The following ITPR1 variants were observed in gnomAD, a reference collection of about 807,000 sequenced individuals.
ITPR1 encodes inositol 1,4,5-trisphosphate-gated calcium channel ITPR1.
Under a neutral mutation model 318.4 loss-of-function variants are expected in ITPR1, and 96 were observed. That is an observed-to-expected ratio of 0.30 (90% CI 0.26 to 0.36). The LOEUF (loss-of-function observed/expected upper bound fraction) is 0.36. Ranked by LOEUF, ITPR1 falls within the 10% of genes least tolerant of loss-of-function variation. The probability of loss-of-function intolerance (pLI) is 1.00; values close to 1 mark genes in which losing one functional copy is unlikely to be tolerated. For synonymous variants in ITPR1, 1,312 were observed against 1,289.9 expected, an observed-to-expected ratio of 1.02 and a Z score of -0.37; for missense variants, 2,440 against 3,460.2, an observed-to-expected ratio of 0.71 and a Z score of 7.40.
intron 60 of ITPR1, 87 bp from the exon 61 acceptor site, chr3:4,836,687 G>A (rs1328298812): frequency 2.5e-6 from 3 of 1,217,692 alleles, no homozygotes; most frequent in African/African-American, 3.1e-5. Flanking sequence ...AGGAAACATG[G>A]CACGGTAAGC....
chr3:4,555,456 T>C (rs147191653), intron 4 of ITPR1, among the ~76,000 whole-genome samples: 354 of 152,346 alleles, frequency 2.3e-3, no homozygotes, highest in Non-Finnish European at 4.1e-3. Context: ...CCGTAATTAT[T>C]ATTCTGCAAT....
At chr3:4,797,804 C>A (rs6442910) in intron 53 of ITPR1, among the ~76,000 whole-genome samples, 51,638 of 151,872 alleles carry the variant, frequency 0.34, 8,971 homozygotes, top group East Asian at 0.53. Flanking sequence ...TTTTCTGAAA[C>A]ATTTTAAAGA....
rs780476712 is a variant in ITPR1 at position 4,501,809 on chromosome 3, G to T, written c.-17+7303G>T. On this transcript the variant is annotated intron_variant, in intron 2 of 61. Transcript: ENST00000649015. ...GGCAGAAAGAGACCAGAAGGCACAT[G>T]TACCCCTACTTAGAGTTGTGAAGTC... Among the ~76,000 whole-genome samples, 3 of 152,354 alleles carry T rather than the reference G, an allele frequency of 2.0e-5. No homozygotes were observed. The South Asian group carries it at 6.2e-4, about 32-fold the overall frequency.
At chr3:4,607,808 A>C (rs9880304) in intron 4 of ITPR1, among the ~76,000 whole-genome samples, 12,319 of 152,030 alleles carry the variant, frequency 0.081, 545 homozygotes, top group Middle Eastern at 0.099. Context: ...TTGCAACAAA[A>C]CTTGAAAAGA....
Position 4,710,719 on chromosome 3 carries a change from C to G in ITPR1, c.4991+246C>G, listed in dbSNP as rs1054235851. ...AGAAGTTCTTATTTTCACTGCATGC[C>G]CATTCATTCATTCATTACAGTGCAC... On this transcript the variant is annotated intron_variant, in intron 38 of 61. Transcript: ENST00000649015. This position sits in a 1 kb window ranked among gnomAD's most constrained non-coding sequence, Gnocchi z 4.2. 2.0e-5 allele frequency among the ~76,000 whole-genome samples: 3 copies of G among 151,956 alleles called. No homozygotes were observed. The highest frequency in any genetic ancestry group is 7.3e-5 in the African/African-American group (3 of 41,348).
At chr3:4,693,843 A>G in intron 33 of ITPR1, 102 bp downstream of exon 33, 5 of 1,275,388 alleles carry the variant, frequency 3.9e-6, no homozygotes, top group Non-Finnish European at 5.4e-6. Flanking sequence ...GGGAGCCCTC[A>G]TGGCTCTGAA....
intron 4 of ITPR1, among the ~76,000 whole-genome samples, chr3:4,541,275 T>C (rs2084413811): frequency 6.6e-6 from 1 of 152,242 alleles, no homozygotes; most frequent in Non-Finnish European, 1.5e-5. Flanking sequence ...AATCTGTTAG[T>C]GGTAAATTCT....
At chr3:4,805,647 G>A (rs1292479849) in intron 54 of ITPR1, among the ~76,000 whole-genome samples, 1 of 152,166 alleles carries the variant, frequency 6.6e-6, no homozygotes, top group Non-Finnish European at 1.5e-5. Flanking sequence ...GGCAAGAACT[G>A]ATCACTGCTC....
At chr3:4,519,984 G>A (rs1301183998) in intron 3 of ITPR1, among the ~76,000 whole-genome samples, 1 of 152,190 alleles carries the variant, frequency 6.6e-6, no homozygotes, top group Non-Finnish European at 1.5e-5. Flanking sequence ...CTGAAAGACA[G>A]GCAGGACTTG....
chr3:4,818,479 G>A (rs953784119), intron 60 of ITPR1, among the ~76,000 whole-genome samples: 1 of 152,148 alleles, frequency 6.6e-6, no homozygotes, highest in Admixed American at 6.5e-5. Flanking sequence ...TTGAGCCTCG[G>A]TGAGATTAGC....
At chr3:4,540,580 A>ATG (rs1327926260) in intron 4 of ITPR1, among the ~76,000 whole-genome samples, 7 of 151,432 alleles carry the variant, frequency 4.6e-5, no homozygotes, top group Non-Finnish European at 7.4e-5. Context: ...GTGTGTGTGT[A>ATG]TGTGTGTGTG....
intron 5 of ITPR1, among the ~76,000 whole-genome samples, chr3:4,633,944 C>A (rs1281712790): frequency 6.6e-6 from 1 of 152,174 alleles, no homozygotes; most frequent in Non-Finnish European, 1.5e-5. Context: ...AACAAAATAA[C>A]CTTTCCTTAC....
chr3:4,641,635 C>G (rs2093341328), intron 6 of ITPR1, among the ~76,000 whole-genome samples: 1 of 152,216 alleles, frequency 6.6e-6, no homozygotes, highest in Non-Finnish European at 1.5e-5. Context: ...CTCTGCCTCC[C>G]GAAGTGCTGG....
chr3:4,761,768 G>T (rs902657471), intron 44 of ITPR1, among the ~76,000 whole-genome samples: 1 of 152,190 alleles, frequency 6.6e-6, no homozygotes, highest in Admixed American at 6.5e-5. Flanking sequence ...GGGCGGGGAG[G>T]CTGTGCACCC....
chr3:4,605,781 C>T lies in ITPR1; in HGVS notation c.164-21982C>T, dbSNP rs140248199. 4.0e-3 allele frequency among the ~76,000 whole-genome samples: 610 copies of T among 152,296 alleles called. 1 individual carries two copies. The highest frequency in any genetic ancestry group is 6.7e-3 in the Non-Finnish European group (458 of 68,022). On this transcript the variant is annotated intron_variant, in intron 4 of 61. Coordinates refer to ENST00000649015, the MANE Select transcript of ITPR1 (RefSeq NM_001378452.1). ...TGAGTGCCCAGCTTTCAGCATCTATCGCTGAGGCCTAGAGTGTGAAGCTGG... is the reference window on the plus strand; with the variant it reads ...TGAGTGCCCAGCTTTCAGCATCTATTGCTGAGGCCTAGAGTGTGAAGCTGG...
chr3:4,499,754 G>C (rs1371579657), intron 2 of ITPR1, among the ~76,000 whole-genome samples: 1 of 152,164 alleles, frequency 6.6e-6, no homozygotes, highest in Admixed American at 6.5e-5. Context: ...TATCCCCTTG[G>C]GGTACCATAA....
At chr3:4,692,200 G>A (rs914929268) in intron 32 of ITPR1, among the ~76,000 whole-genome samples, 1 of 151,278 alleles carries the variant, frequency 6.6e-6, no homozygotes, top group Admixed American at 6.6e-5. Context: ...AATGTCACCT[G>A]AACCCCTTCA....
intron 4 of ITPR1, among the ~76,000 whole-genome samples, chr3:4,570,829 T>C (rs2087892424): frequency 6.6e-6 from 1 of 152,240 alleles, no homozygotes; most frequent in Non-Finnish European, 1.5e-5. Flanking sequence ...TTTTTATATA[T>C]GATGCATCAG....
In ITPR1 at chr3:4,662,019, T is replaced by C. The variant is rs901467573; in HGVS notation, c.1252-63T>C. Reference sequence around the variant, plus strand: ...AGCCAGTGTCTCGTAAATGTAGTGTTTGATTAAAGTCTTATCCTTCCCATC... The same window carrying C: ...AGCCAGTGTCTCGTAAATGTAGTGTCTGATTAAAGTCTTATCCTTCCCATC... On this transcript the variant is annotated intron_variant, in intron 14 of 61. Coordinates refer to ENST00000649015, the MANE Select transcript of ITPR1 (RefSeq NM_001378452.1). 1.3e-5 allele frequency: 18 copies of C among 1,412,970 alleles called. No homozygotes were observed. The African/African-American group carries it at 2.4e-4, about 19-fold the overall frequency. The allele number at this position is 1,412,970 out of a possible 1,614,324, so 87.5% of individuals were successfully genotyped here.
Sources: gnomAD v4.1 joint callset for allele counts (sites outside exome capture counted in the v4.1 genomes callset) on GRCh38, gnomAD v4.1.1 for gene constraint, Gnocchi (gnomAD v3.1) non-coding constraint, MANE v1.5 for transcripts, NCBI Gene and HGNC (gene_info 2026-07-23, HGNC 2026-07-21) for gene names.